Variants in FRMPD4 observed in about 807,000 individuals in gnomAD.
FRMPD4 encodes FERM and PDZ domain containing 4.
Under a neutral mutation model 94.1 loss-of-function variants are expected in FRMPD4, and 22 were observed. The ratio of observed to expected loss-of-function variants is 0.23; its 90% CI spans 0.17 to 0.33. FRMPD4 has a LOEUF of 0.33. Ranked by LOEUF, FRMPD4 falls within the 10% of genes least tolerant of loss-of-function variation. The pLI, the probability that FRMPD4 is intolerant of heterozygous loss-of-function variation, is 1.00. For synonymous variants in FRMPD4, 631 were observed against 548.6 expected (o/e 1.15, Z -2.10); for missense variants, 1,111 against 1,339.9 (o/e 0.83, Z 2.67).
chrX:11,825,190 TTGTGTGTGTGTG>T (rs747320680), intron 1 of FRMPD4, among the ~76,000 whole-genome samples: 45 of 80,159 alleles, frequency 5.6e-4, no homozygotes, highest in Admixed American at 3.0e-3. Context: ...TGTGTCTTCT[TTGTGTGTGTGTG>T]TGTGTGTGTG....
chrX:12,035,008 T>C (rs1468072140), intron 3 of FRMPD4, among the ~76,000 whole-genome samples: 2 of 112,077 alleles, frequency 1.8e-5, no homozygotes, highest in Non-Finnish European at 3.8e-5. Context: ...AAGCAGTCAG[T>C]CTCTTGAACA....
intron 1 of FRMPD4, among the ~76,000 whole-genome samples, chrX:12,143,663 G>A (rs1205210829): frequency 9.0e-6 from 1 of 111,295 alleles, no homozygotes; most frequent in Non-Finnish European, 1.9e-5. Context: ...CTGACCCCTG[G>A]GTTAAACAAT....
chrX:11,961,796 T>C (rs182986597), intron 3 of FRMPD4, among the ~76,000 whole-genome samples: 130 of 111,892 alleles, frequency 1.2e-3, no homozygotes, highest in Non-Finnish European at 1.7e-3. Flanking sequence ...ATTTTGAGTG[T>C]GAGTCAAACA....
At chrX:12,495,012 G>C (rs1390011134) in intron 1 of FRMPD4, 2 of 734,072 alleles carry the variant, frequency 2.7e-6, no homozygotes, top group Non-Finnish European at 3.2e-6. Context: ...TCAAGGCCTT[G>C]CCTGAGCCCG....
chrX:12,441,039 C>T (rs1328005400), intron 1 of FRMPD4, among the ~76,000 whole-genome samples: 1 of 112,275 alleles, frequency 8.9e-6, no homozygotes, highest in Non-Finnish European at 1.9e-5. Flanking sequence ...GGTAGCATCT[C>T]CTCTCCAGTT....
chrX:12,053,367 A>AAAGG lies in FRMPD4; in HGVS notation c.95+175352_95+175353insGAAG, dbSNP rs1177023833. On this transcript the variant is annotated intron_variant, in intron 3 of 18. Coordinates refer to the FRMPD4 transcript ENST00000640291. ...GAAAGAAAGGAAAGAAAGAAGAAAG[A>AAAGG]AAGAAAGAAAGAAAGAAAGAAAGAA... Among the ~76,000 whole-genome samples, 3 of 45,762 alleles carry AAAGG rather than the reference A, an allele frequency of 6.6e-5. No individual in the cohort carries two copies. In the Admixed American group the frequency reaches 7.6e-4, roughly 12 times the overall value. 39.7% of individuals were successfully genotyped at this position (45,762 alleles called of 115,157 possible).
intron 2 of FRMPD4, among the ~76,000 whole-genome samples, chrX:12,561,132 TTATC>T (rs749755774): frequency 2.4e-4 from 27 of 111,745 alleles, no homozygotes; most frequent in Middle Eastern, 4.2e-3. Context: ...TGAATGTTAT[TTATC>T]TATTTTTACT....
At chrX:12,269,199 G>A in intron 1 of FRMPD4, among the ~76,000 whole-genome samples, 1 of 111,544 alleles carries the variant, frequency 9.0e-6, no homozygotes, top group Non-Finnish European at 1.9e-5. Flanking sequence ...CTAACATATT[G>A]AATTATGTGA....
chrX:11,917,833 C>T (rs967467064), intron 3 of FRMPD4, among the ~76,000 whole-genome samples: 3 of 108,068 alleles, frequency 2.8e-5, no homozygotes, highest in African/African-American at 3.4e-5. Flanking sequence ...GCCCAAAGCC[C>T]GGGATTACAC....
chrX:12,691,270 GTTGTTTTGTT>G (rs201868433), intron 8 of FRMPD4, among the ~76,000 whole-genome samples: 21 of 110,417 alleles, frequency 1.9e-4, no homozygotes, highest in African/African-American at 5.0e-4. Context: ...TTTTGTTGTT[GTTGTTTTGTT>G]TTGTTTTGTT....
intron 1 of FRMPD4, among the ~76,000 whole-genome samples, chrX:12,483,197 T>C (rs761074004): frequency 1.8e-5 from 2 of 111,882 alleles, no homozygotes; most frequent in South Asian, 7.5e-4. Flanking sequence ...TTTGGATGTG[T>C]TGAATTTAAG....
At chrX:12,661,185 C>T (rs1416644715) in intron 4 of FRMPD4, among the ~76,000 whole-genome samples, 1 of 112,259 alleles carries the variant, frequency 8.9e-6, no homozygotes, top group Non-Finnish European at 1.9e-5. Context: ...GGAGACTAGA[C>T]AGAATGTGAA....
At chrX:12,549,445 A>G (rs2058511226) in intron 2 of FRMPD4, among the ~76,000 whole-genome samples, 1 of 112,752 alleles carries the variant, frequency 8.9e-6, no homozygotes, top group African/African-American at 3.2e-5. Flanking sequence ...AGATTATTCA[A>G]ATCATAGATC....
intron 14 of FRMPD4, among the ~76,000 whole-genome samples, chrX:12,710,770 G>T (rs2041970908): frequency 9.0e-6 from 1 of 110,861 alleles, no homozygotes; most frequent in South Asian, 3.9e-4. Context: ...GCTGGGCATA[G>T]TGGCACGCAC....
intron 3 of FRMPD4, among the ~76,000 whole-genome samples, chrX:12,130,638 T>A (rs759095214): frequency 9.0e-6 from 1 of 111,313 alleles, no homozygotes; most frequent in Non-Finnish European, 1.9e-5. Flanking sequence ...AAACTTGGAA[T>A]AACTGGTCTC....
intron 6 of FRMPD4, among the ~76,000 whole-genome samples, chrX:12,685,825 G>A (rs2060017460): frequency 2.7e-5 from 3 of 111,744 alleles, no homozygotes; most frequent in Non-Finnish European, 5.6e-5. Flanking sequence ...AAATGTCAAA[G>A]CCTAATCACA....
intron 1 of FRMPD4, among the ~76,000 whole-genome samples, chrX:12,196,686 CAT>C (rs1436990563): frequency 8.4e-5 from 9 of 107,351 alleles, no homozygotes; most frequent in South Asian, 3.9e-4. Context: ...TTTATATACA[CAT>C]GTGTGTATAT....
At chrX:12,252,106 T>A (rs2054048681) in intron 1 of FRMPD4, among the ~76,000 whole-genome samples, 12 of 112,163 alleles carry the variant, frequency 1.1e-4, no homozygotes, top group Non-Finnish European at 2.1e-4. Flanking sequence ...CAAAAAGGCC[T>A]TGTGAGATGG....
intron 3 of FRMPD4, among the ~76,000 whole-genome samples, chrX:12,089,432 T>C (rs2055136626): frequency 3.6e-5 from 4 of 112,412 alleles, no homozygotes; most frequent in South Asian, 7.4e-4. Flanking sequence ...GTCCCATCAA[T>C]TGTGTGTCAG....
Sources: gnomAD v4.1 joint callset for allele counts (sites outside exome capture counted in the v4.1 genomes callset) on GRCh38, gnomAD v4.1.1 for gene constraint, MANE v1.5 for transcripts, NCBI Gene and HGNC (gene_info 2026-07-23, HGNC 2026-07-21) for gene names.